TRIM33: variants seen among roughly 807,000 people sequenced by gnomAD.
TRIM33 encodes the protein tripartite motif containing 33.
A neutral mutation model predicts 125.4 loss-of-function variants in TRIM33; 20 were observed. The observed-to-expected ratio is 0.16, with a 90% confidence interval of 0.11 to 0.23. TRIM33 has a LOEUF of 0.23. Among genes scored for constraint, TRIM33 ranks in the 10% least tolerant of loss-of-function variants. The pLI is 1.00. For missense variants in TRIM33, 920 were observed against 1,411.4 expected, an observed-to-expected ratio of 0.65 and a Z score of 5.58; for synonymous variants, 564 against 513.9, an observed-to-expected ratio of 1.10 and a Z score of -1.32.
At chr1:114,426,853 GA>G (rs1647622283) in intron 8 of TRIM33, among the ~76,000 whole-genome samples, 1 of 152,064 alleles carries the variant, frequency 6.6e-6, no homozygotes, top group Non-Finnish European at 1.5e-5. Flanking sequence ...AAAAATCTAT[GA>G]AATTATTCCA....
At chr1:114,458,578 T>C (rs1649760590) in intron 4 of TRIM33, among the ~76,000 whole-genome samples, 1 of 152,160 alleles carries the variant, frequency 6.6e-6, no homozygotes, top group African/African-American at 2.4e-5. Context: ...CCCTAGCCCC[T>C]GCCCACCAAA....
chr1:114,461,417 C>CGA (rs1649994026), intron 4 of TRIM33, among the ~76,000 whole-genome samples: 2 of 150,808 alleles, frequency 1.3e-5, no homozygotes, highest in African/African-American at 4.9e-5. Flanking sequence ...GGACCTGACT[C>CGA]TAACTCCAGG....
At chr1:114,461,900 A>G (rs1038541810) in intron 4 of TRIM33, among the ~76,000 whole-genome samples, 1 of 152,242 alleles carries the variant, frequency 6.6e-6, no homozygotes, top group African/African-American at 2.4e-5. Context: ...TTTAATAAAT[A>G]TACTGTAAAG....
At chr1:114,434,269 G>A (rs1361832267) in intron 4 of TRIM33, among the ~76,000 whole-genome samples, 4 of 152,160 alleles carry the variant, frequency 2.6e-5, no homozygotes, top group African/African-American at 9.7e-5. Context: ...GCCTCTCAAA[G>A]TGCTAGGATT....
intron 18 of TRIM33, 100 bp from the exon 19 acceptor site, chr1:114,398,090 A>C (rs1183736502): frequency 8.2e-7 from 1 of 1,215,950 alleles, no homozygotes; most frequent in Non-Finnish European, 1.2e-6. Flanking sequence ...CAGCCATACT[A>C]GGGAGAACAA....
chr1:114,471,083 GC>G (rs1650611237), intron 1 of TRIM33, among the ~76,000 whole-genome samples: 1 of 152,228 alleles, frequency 6.6e-6, no homozygotes, highest in Admixed American at 6.5e-5. Flanking sequence ...ACAGACATGA[GC>G]CACTGCGCCT....
intron 1 of TRIM33, among the ~76,000 whole-genome samples, chr1:114,466,109 A>T (rs1429275569): frequency 3.9e-5 from 6 of 152,122 alleles, no homozygotes; most frequent in Non-Finnish European, 7.3e-5. Flanking sequence ...TTTCAAACCA[A>T]AGGGAGAAAT....
intron 14 of TRIM33, among the ~76,000 whole-genome samples, chr1:114,406,281 G>C (rs1418597426): frequency 6.6e-6 from 1 of 152,216 alleles, no homozygotes; most frequent in East Asian, 1.9e-4. Flanking sequence ...AACCAAGGCT[G>C]AATCTCTTGC....
intron 3 of TRIM33, 63 bp from the exon 4 acceptor site, chr1:114,463,299 T>A: frequency 6.4e-7 from 1 of 1,559,640 alleles, no homozygotes; most frequent in Non-Finnish European, 8.7e-7. Context: ...GTTTTCTAAA[T>A]TCCTATTGAT....
At chr1:114,484,497 C>T (rs761320153) in intron 1 of TRIM33, among the ~76,000 whole-genome samples, 2 of 152,006 alleles carry the variant, frequency 1.3e-5, no homozygotes, top group Non-Finnish European at 2.9e-5. Context: ...GAGGCTGAGG[C>T]GGGTGGATCA....
chr1:114,466,710 T>C (rs1425985955), intron 1 of TRIM33, among the ~76,000 whole-genome samples: 1 of 152,226 alleles, frequency 6.6e-6, no homozygotes, highest in Non-Finnish European at 1.5e-5. Flanking sequence ...AGCATGGGTC[T>C]GCTTTCTCTT....
intron 1 of TRIM33, among the ~76,000 whole-genome samples, chr1:114,470,123 T>TA (rs1650549736): frequency 6.6e-6 from 1 of 152,212 alleles, no homozygotes; most frequent in African/African-American, 2.4e-5. Flanking sequence ...TCTATTATCA[T>TA]AAAGCTTGTT....
At chr1:114,492,872 T>C (rs533508944) in intron 1 of TRIM33, among the ~76,000 whole-genome samples, 2 of 152,364 alleles carry the variant, frequency 1.3e-5, no homozygotes, top group African/African-American at 4.8e-5. Context: ...CAATTAATAC[T>C]GGCAAGTATC....
intron 1 of TRIM33, among the ~76,000 whole-genome samples, chr1:114,490,099 A>G (rs950823594): frequency 1.4e-5 from 2 of 143,470 alleles, no homozygotes; most frequent in Non-Finnish European, 3.1e-5. Flanking sequence ...AAAAAAAAAA[A>G]AAAAAGAAAA....
At chr1:114,506,035 C>T (rs1211841703) in intron 1 of TRIM33, among the ~76,000 whole-genome samples, 1 of 152,152 alleles carries the variant, frequency 6.6e-6, no homozygotes, top group African/African-American at 2.4e-5. Flanking sequence ...CTTCGTATTG[C>T]AAGACCTGGA....
At chr1:114,450,504 C>T (rs1649246299) in intron 4 of TRIM33, among the ~76,000 whole-genome samples, 1 of 152,084 alleles carries the variant, frequency 6.6e-6, no homozygotes. Context: ...GACTAACGTT[C>T]CTATTTTGAT....
intron 1 of TRIM33, 58 bp downstream of exon 1, chr1:114,510,493 C>A: frequency 1.4e-6 from 2 of 1,425,532 alleles, no homozygotes; most frequent in South Asian, 2.9e-5. Flanking sequence ...GTCCCCAGCT[C>A]CTCTAGGGTT....
chr1:114,397,588 TGTTTTTTTTTTTTTTTTC>T lies in TRIM33; in HGVS notation c.*42_*59del, dbSNP rs1412618980. The T allele has an allele frequency of 4.7e-5, 51 of 1,095,180 alleles. No individual in the cohort carries two copies. The highest frequency in any genetic ancestry group is 1.4e-4 in the South Asian group (9 of 66,640). 67.8% of individuals were successfully genotyped at this position (1,095,180 alleles called of 1,614,324 possible). A position where few individuals can be genotyped will look rare whatever the true frequency, so the allele number is the denominator to read the frequency against. ...ACTTAAAAGTTTTCTGGGTTTTTTG[TGTTTTTTTTTTTTTTTTC>T]GTTTTTTTTTTTTTAAACAATTGAT... On this transcript the variant is annotated 3_prime_UTR_variant, in exon 20 of 20. Transcript: ENST00000358465.
chr1:114,422,951 C>T (rs978210137), intron 10 of TRIM33, among the ~76,000 whole-genome samples: 11 of 151,836 alleles, frequency 7.2e-5, no homozygotes, highest in South Asian at 2.1e-4. Flanking sequence ...GTAAACGTTT[C>T]CTAAGCATTA....
Sources: allele counts gnomAD v4.1 joint callset (sites outside exome capture counted in the v4.1 genomes callset), GRCh38; gene constraint gnomAD v4.1.1; transcripts MANE v1.5; gene names NCBI Gene and HGNC (gene_info 2026-07-23, HGNC 2026-07-21).